The following RSF1 variants were observed in gnomAD, a reference collection of about 807,000 sequenced individuals.
RSF1 encodes HBV pX-associated protein 8.
In RSF1, 13 loss-of-function variants were observed where a neutral mutation model predicts 145.2. That is an observed-to-expected ratio of 0.09 (90% confidence interval 0.06 to 0.14). The LOEUF (loss-of-function observed/expected upper bound fraction) is 0.14, where lower values mean the gene tolerates loss of function less well. Among genes scored for constraint, RSF1 ranks in the 10% least tolerant of loss-of-function variants. The probability of loss-of-function intolerance (pLI) is 1.00; values close to 1 mark genes in which losing one functional copy is unlikely to be tolerated. For missense variants in RSF1, 1,517 were observed against 1,718.2 expected (o/e 0.88, Z 2.07); for synonymous variants, 577 against 592.6 (o/e 0.97, Z 0.38).
intron 7 of RSF1, among the ~76,000 whole-genome samples, chr11:77,695,070 T>C (rs886404061): frequency 1.3e-5 from 2 of 152,214 alleles, no homozygotes; most frequent in African/African-American, 4.8e-5. Context: ...GTTGGTTTTA[T>C]CCACTCTAAG....
chr11:77,698,596 T>G lies in RSF1; in HGVS notation c.2606A>C (p.Lys869Thr), dbSNP rs754806861. The G allele has an allele frequency of 1.2e-6, 2 of 1,614,096 alleles. No homozygotes were observed. The highest frequency in any genetic ancestry group is 1.7e-6 in the Non-Finnish European group (2 of 1,179,984). ...NDESEGSGSE[K>T]SSAASEEEEE... Reference sequence around the variant, plus strand: ...CTCCTCTTCTGAAGCTGCAGATGATTTTTCACTGCCAGACCCTTCACTTTC... The same window carrying G: ...CTCCTCTTCTGAAGCTGCAGATGATGTTTCACTGCCAGACCCTTCACTTTC... Residue 869 changes from lysine (K) to threonine (T), a missense_variant, in exon 7 of 16, where the codon AAA (lysine) becomes ACA (threonine). Around this residue, in one of 12 missense-constraint regions of RSF1, gnomAD observed 579 missense variants for 553.5 expected, o/e 1.05. Coordinates refer to ENST00000308488, the MANE Select transcript of RSF1 (RefSeq NM_016578.4).
chr11:77,841,679 A>T, the RSF1 span, among the ~76,000 whole-genome samples: 1 of 152,128 alleles, frequency 6.6e-6, no homozygotes, highest in African/African-American at 2.4e-5. Flanking sequence ...CAAATCTTTG[A>T]TGCATATCCT....
intron 4 of RSF1, chr11:77,734,490 A>T: frequency 6.3e-7 from 1 of 1,588,502 alleles, no homozygotes; most frequent in Non-Finnish European, 8.5e-7. Context: ...TTTCATTATC[A>T]CTGTCTCCCA....
Position 77,700,854 on chromosome 11 carries a change from C to G in RSF1, c.2375G>C (p.Arg792Thr). The change falls in exon 6 of 16, where the codon AGA (arginine) becomes ACA (threonine). Residue 792 changes from arginine (R) to threonine (T), a missense_variant. Coordinates refer to ENST00000308488, the MANE Select transcript of RSF1 (RefSeq NM_016578.4). The stretch of plus-strand genomic sequence containing the variant: ...TCTTTTTTTATCAGCTTTCTGATCT[C>G]TGATCTCAGCCACTTTTGCAGTGGG... The part of the protein sequence containing the change: ...SRPTAKVAEI[R>T]DQKADKKRGE... 4.3e-6 allele frequency: 7 copies of G among 1,613,730 alleles called. No individual in the cohort carries two copies. Among genetic ancestry groups the G allele is most frequent in the Non-Finnish European group, 5.1e-6 (6 of 1,180,006 alleles).
chr11:77,740,632 A>G, intron 4 of RSF1, 99 bp downstream of exon 4: 1 of 1,166,006 alleles, frequency 8.6e-7, no homozygotes, highest in Non-Finnish European at 1.2e-6. Context: ...ACTCACACAC[A>G]AAAAACCACT....
chr11:77,691,584 G>A (rs976923148), intron 8 of RSF1: 2 of 208,692 alleles, frequency 9.6e-6, no homozygotes, highest in African/African-American at 4.6e-5. Flanking sequence ...ATGTTTTAAA[G>A]GGAGAAGGTT....
At chr11:77,831,862 ATTTTTTTTT>A in the RSF1 span, 4 of 80,840 alleles carry the variant, frequency 4.9e-5, no homozygotes, top group African/African-American at 1.8e-4. Context: ...TGCCTGGCTA[ATTTTTTTTT>A]TTTTTTTTTT....
the RSF1 span, among the ~76,000 whole-genome samples, chr11:77,855,132 G>C: frequency 6.6e-6 from 1 of 152,142 alleles, no homozygotes; most frequent in Admixed American, 6.5e-5. Context: ...GTGAGGCCTT[G>C]TACCTGTCCC....
At chr11:77,812,709 G>A (rs1411058278) in intron 1 of RSF1, among the ~76,000 whole-genome samples, 4 of 151,956 alleles carry the variant, frequency 2.6e-5, no homozygotes, top group Non-Finnish European at 4.4e-5. Flanking sequence ...CCAACATGGC[G>A]AAACCCCATC....
At chr11:77,857,510 G>A in the RSF1 span, among the ~76,000 whole-genome samples, 2 of 152,144 alleles carry the variant, frequency 1.3e-5, no homozygotes, top group Non-Finnish European at 2.9e-5. Context: ...ATAATTGGTT[G>A]AGGCTAGATT....
the RSF1 span, among the ~76,000 whole-genome samples, chr11:77,857,173 A>G: frequency 1.3e-5 from 2 of 152,242 alleles, no homozygotes. Context: ...AAGCAAAAAG[A>G]TAATTGTAAT....
chr11:77,678,612 T>TG (rs1959776808), intron 11 of RSF1, among the ~76,000 whole-genome samples: 2 of 152,178 alleles, frequency 1.3e-5, no homozygotes, highest in Admixed American at 1.3e-4. Context: ...AATCTCAAGG[T>TG]GATGGTATTA....
chr11:77,766,798 A>G (rs1948230757), intron 1 of RSF1, among the ~76,000 whole-genome samples: 1 of 152,156 alleles, frequency 6.6e-6, no homozygotes, highest in Non-Finnish European at 1.5e-5. Context: ...TTGGAGGAAG[A>G]CAGATTTTTA....
intron 1 of RSF1, among the ~76,000 whole-genome samples, chr11:77,804,048 C>T (rs1414162894): frequency 1.3e-5 from 2 of 152,288 alleles, no homozygotes; most frequent in East Asian, 3.9e-4. Context: ...GCAGCCTGGG[C>T]AACAGAGCAA....
chr11:77,697,550 T>C (rs1252192991), intron 7 of RSF1, among the ~76,000 whole-genome samples: 1 of 142,378 alleles, frequency 7.0e-6, no homozygotes, highest in African/African-American at 2.6e-5. Flanking sequence ...ATATTATATA[T>C]ATAATAGATT....
intron 12 of RSF1, 101 bp from the exon 13 acceptor site, chr11:77,677,100 T>G (rs995016289): frequency 1.2e-5 from 10 of 849,492 alleles, no homozygotes; most frequent in Admixed American, 8.0e-5. Context: ...TTAGCAGCTC[T>G]TCATTTCTTT....
intron 5 of RSF1, among the ~76,000 whole-genome samples, chr11:77,721,377 T>C (rs1340050701): frequency 1.3e-5 from 2 of 152,194 alleles, no homozygotes; most frequent in African/African-American, 4.8e-5. Context: ...GGTCTTGCCA[T>C]GGAATAGACT....
intron 15 of RSF1, 52 bp from the exon 16 acceptor site, chr11:77,667,543 T>C: frequency 6.8e-7 from 1 of 1,481,428 alleles, no homozygotes; most frequent in South Asian, 1.2e-5. Flanking sequence ...ATAAACGAAT[T>C]TAATTCTCCT....
chr11:77,742,231 A>G (rs1354647660), intron 3 of RSF1, among the ~76,000 whole-genome samples: 3 of 152,150 alleles, frequency 2.0e-5, no homozygotes, highest in Non-Finnish European at 2.9e-5. Flanking sequence ...GTTATTTTCC[A>G]TAATAGCCGA....
Sources: gnomAD v4.1 joint callset for allele counts (sites outside exome capture counted in the v4.1 genomes callset) on GRCh38, gnomAD v4.1.1 for gene constraint, gnomAD v4.1.1 regional missense constraint, MANE v1.5 for transcripts, NCBI Gene and HGNC (gene_info 2026-07-23, HGNC 2026-07-21) for gene names.